The following NAALADL2 variants were observed in gnomAD, a reference collection of about 807,000 sequenced individuals.
The protein encoded by NAALADL2 is inactive N-acetylated-alpha-linked acidic dipeptidase-like protein 2.
Under a neutral mutation model 87.2 loss-of-function variants are expected in NAALADL2, and 76 were observed. That is an observed-to-expected ratio of 0.87 (90% CI 0.72 to 1.05). The LOEUF is 1.05. Among genes scored for constraint, NAALADL2 ranks in the 50% least tolerant of loss-of-function variants. The pLI is 0.00. For synonymous variants in NAALADL2, 354 were observed against 331.0 expected (o/e 1.07, Z -0.75); for missense variants, 1,089 against 945.8 (o/e 1.15, Z -1.99).
chr3:174,859,562 T>C (rs1726219970), intron 1 of NAALADL2, 112 bp downstream of exon 1: 1 of 798,690 alleles, frequency 1.3e-6, no homozygotes, highest in African/African-American at 1.7e-5. Context: ...CCTGCATGCA[T>C]GTTCAGGTGC....
At chr3:175,771,308 A>G (rs1749455872) in intron 13 of NAALADL2, among the ~76,000 whole-genome samples, 1 of 152,204 alleles carries the variant, frequency 6.6e-6, no homozygotes, top group Non-Finnish European at 1.5e-5. Flanking sequence ...TAGATTTTCT[A>G]TGTAGATTAA....
At chr3:174,855,980 G>GTATA (rs57039020), upstream of NAALADL2, among the ~76,000 whole-genome samples, 440 of 142,948 alleles carry the variant, frequency 3.1e-3, 4 homozygotes, top group African/African-American at 0.011. Flanking sequence ...GTGTGTGTGT[G>GTATA]TATATATATA....
At position 175,427,308 on chromosome 3, in the gene NAALADL2, A is replaced by G. The variant is rs112909693; in HGVS notation, c.1091-19921A>G. 2.9e-3 allele frequency among the ~76,000 whole-genome samples: 449 copies of G among 152,300 alleles called. 4 individuals carry two copies. The highest frequency in any genetic ancestry group is 9.6e-3 in the African/African-American group (401 of 41,570). ...TGGGGGGTAGTTTCTCATATTGCAT[A>G]TTGCAAAGGCATTTGTACTTCCAGC... On this transcript the variant is annotated intron_variant, in intron 5 of 13. Transcript: ENST00000454872.
rs1181218592 is a variant in NAALADL2, at chr3:175,147,350, C to G, written c.545+50059C>G. 3.3e-5 allele frequency among the ~76,000 whole-genome samples: 5 copies of G among 152,226 alleles called. No individual in the cohort carries two copies. The East Asian group carries it at 9.7e-4, about 29-fold the overall frequency. ...GTGAGAACATGCCGTATTTGGTTTT[C>G]TGTTCCTGGATTAATTCACTTATGA... On this transcript the variant is annotated intron_variant, in intron 2 of 13. Coordinates refer to ENST00000454872, the MANE Select transcript of NAALADL2 (RefSeq NM_207015.3).
intron 3 of NAALADL2, among the ~76,000 whole-genome samples, chr3:174,742,875 C>T (rs1472229546): frequency 6.6e-6 from 1 of 151,312 alleles, no homozygotes; most frequent in African/African-American, 2.4e-5. Flanking sequence ...TTATTTAATA[C>T]AAAATAACAA....
intron 5 of NAALADL2, among the ~76,000 whole-genome samples, chr3:175,382,446 G>C: frequency 6.6e-6 from 1 of 151,386 alleles, no homozygotes; most frequent in East Asian, 2.0e-4. Flanking sequence ...ATAAAATTTA[G>C]AATATATTAA....
At chr3:175,195,322 G>GAA (rs1560147302) in intron 2 of NAALADL2, among the ~76,000 whole-genome samples, 22 of 151,874 alleles carry the variant, frequency 1.4e-4, no homozygotes, top group African/African-American at 5.1e-4. Context: ...TGGAAGAAGG[G>GAA]AGACAATAAG....
chr3:175,464,687 A>G (rs1414496597), intron 7 of NAALADL2, among the ~76,000 whole-genome samples: 1 of 152,182 alleles, frequency 6.6e-6, no homozygotes, highest in Non-Finnish European at 1.5e-5. Flanking sequence ...GAATTTTAAG[A>G]TCAAGTTTTA....
chr3:175,705,480 T>G (rs1739553603), intron 11 of NAALADL2, among the ~76,000 whole-genome samples: 1 of 151,948 alleles, frequency 6.6e-6, no homozygotes, highest in Non-Finnish European at 1.5e-5. Flanking sequence ...CAAACAAGTA[T>G]TTTCCTGAAT....
intron 2 of NAALADL2, among the ~76,000 whole-genome samples, chr3:174,695,527 C>T (rs1323639674): frequency 4.0e-5 from 6 of 151,720 alleles, no homozygotes; most frequent in Non-Finnish European, 8.8e-5. Flanking sequence ...TCAAAATGCC[C>T]CAATATTTTA....
intron 5 of NAALADL2, among the ~76,000 whole-genome samples, chr3:175,424,777 C>A (rs1269904912): frequency 6.6e-6 from 1 of 151,812 alleles, no homozygotes; most frequent in Non-Finnish European, 1.5e-5. Context: ...TTTTATGTGC[C>A]CTCATAGTCT....
At chr3:175,460,706 CAA>C (rs1305486649) in intron 6 of NAALADL2, among the ~76,000 whole-genome samples, 1 of 152,104 alleles carries the variant, frequency 6.6e-6, no homozygotes, top group Non-Finnish European at 1.5e-5. Flanking sequence ...GAGAAGTAAG[CAA>C]AAGAGTTGGT....
At chr3:174,537,522 C>T (rs767355759) in intron 1 of NAALADL2, among the ~76,000 whole-genome samples, 17 of 152,126 alleles carry the variant, frequency 1.1e-4, no homozygotes, top group Non-Finnish European at 1.9e-4. Flanking sequence ...GACATGATTG[C>T]GAAGAATATG....
At chr3:175,381,181 A>G (rs1339691666) in intron 5 of NAALADL2, among the ~76,000 whole-genome samples, 1 of 151,756 alleles carries the variant, frequency 6.6e-6, no homozygotes, top group Non-Finnish European at 1.5e-5. Context: ...TACAGTTATT[A>G]TGGCTGAATA....
chr3:174,642,803 A>G (rs993824755), intron 2 of NAALADL2, among the ~76,000 whole-genome samples: 3 of 137,754 alleles, frequency 2.2e-5, no homozygotes, highest in African/African-American at 8.5e-5. Context: ...TTTTTTCATG[A>G]AACTGGATCT....
At chr3:175,577,773 C>T (rs1016912916) in intron 10 of NAALADL2, among the ~76,000 whole-genome samples, 1 of 151,904 alleles carries the variant, frequency 6.6e-6, no homozygotes, top group Non-Finnish European at 1.5e-5. Flanking sequence ...TGGATTTATC[C>T]CTTACAAAAT....
At chr3:175,444,917 G>T (rs570593328) in intron 5 of NAALADL2, among the ~76,000 whole-genome samples, 9 of 152,160 alleles carry the variant, frequency 5.9e-5, no homozygotes, top group African/African-American at 1.9e-4. Flanking sequence ...TAGCCTTGTG[G>T]TCTCCCAGAT....
At position 175,013,025 on chromosome 3, in the gene NAALADL2, T is replaced by C. The variant is rs1750071969; in HGVS notation, c.44-83765T>C. Among the ~76,000 whole-genome samples, 3 of 96,278 alleles carry C rather than the reference T, an allele frequency of 3.1e-5. No homozygotes were observed. In the South Asian group the frequency reaches 9.9e-4, roughly 32 times the overall value. 63.2% of individuals were successfully genotyped at this position (96,278 alleles called of 152,430 possible). On this transcript the variant is annotated intron_variant, in intron 1 of 13. Coordinates refer to ENST00000454872, the MANE Select transcript of NAALADL2 (RefSeq NM_207015.3). ...TATATGTACATATATAATATATAAATATATATAAATATATAATATATACAT... is the reference window on the plus strand; with the variant it reads ...TATATGTACATATATAATATATAAACATATATAAATATATAATATATACAT...
intron 1 of NAALADL2, among the ~76,000 whole-genome samples, chr3:174,890,204 G>T (rs1202348043): frequency 6.6e-6 from 1 of 152,082 alleles, no homozygotes; most frequent in Non-Finnish European, 1.5e-5. Flanking sequence ...TTCTGCATTT[G>T]ACATTATTTA....
Sources: allele counts gnomAD v4.1 joint callset (sites outside exome capture counted in the v4.1 genomes callset), GRCh38; gene constraint gnomAD v4.1.1; transcripts MANE v1.5; gene names NCBI Gene and HGNC (gene_info 2026-07-23, HGNC 2026-07-21).